The following MFN2 variants were observed in gnomAD, a reference collection of about 807,000 sequenced individuals.
MFN2 encodes the protein mitofusin-2.
MFN2 carries 43 observed loss-of-function variants against 87.5 expected under a neutral mutation model. The ratio of observed to expected loss-of-function variants is 0.49; its 90% CI spans 0.38 to 0.63. The LOEUF is 0.63. Ranked by LOEUF, MFN2 falls within the 30% of genes least tolerant of loss-of-function variation. The pLI is 0.00. For missense variants in MFN2, 743 were observed against 972.8 expected, an observed-to-expected ratio of 0.76 and a Z score of 3.14; for synonymous variants, 337 against 359.9, an observed-to-expected ratio of 0.94 and a Z score of 0.72.
At chr1:11,991,845 A>C (rs1442267033) in intron 3 of MFN2, among the ~76,000 whole-genome samples, 5 of 135,130 alleles carry the variant, frequency 3.7e-5, no homozygotes, top group East Asian at 2.3e-4. Flanking sequence ...AATGGCGTGA[A>C]CCCGGGAGGC....
chr1:11,991,881 G>A (rs755499200), intron 3 of MFN2, among the ~76,000 whole-genome samples: 7 of 112,798 alleles, frequency 6.2e-5, no homozygotes, highest in African/African-American at 1.1e-4. Flanking sequence ...CCCAGATCCC[G>A]CCACTGCACT....
chr1:11,990,091 C>T (rs1045031607), intron 3 of MFN2, among the ~76,000 whole-genome samples: 7 of 152,210 alleles, frequency 4.6e-5, no homozygotes, highest in African/African-American at 1.7e-4. Context: ...GTTTCAGATT[C>T]TAGTCTGCAG....
At chr1:11,988,736 T>TGTCACCCA (rs1458172569) in intron 2 of MFN2, among the ~76,000 whole-genome samples, 1 of 152,168 alleles carries the variant, frequency 6.6e-6, no homozygotes, top group African/African-American at 2.4e-5. Context: ...AATCTCGCCC[T>TGTCACCCA]GTCACCCAGG....
chr1:11,985,725 C>T (rs79905027), intron 2 of MFN2, among the ~76,000 whole-genome samples: 7,435 of 152,182 alleles, frequency 0.049, 220 homozygotes, highest in East Asian at 0.082. Context: ...GCCTCGGCCT[C>T]CCAAAGTGCT....
chr1:11,997,995 T>C (rs1638991841), intron 6 of MFN2, among the ~76,000 whole-genome samples: 1 of 148,960 alleles, frequency 6.7e-6, no homozygotes, highest in African/African-American at 2.5e-5. Context: ...GTGATTCTCC[T>C]GCCTCAGCCT....
chr1:11,997,965 C>G (rs1167448169), intron 6 of MFN2, among the ~76,000 whole-genome samples: 5 of 146,032 alleles, frequency 3.4e-5, no homozygotes, highest in African/African-American at 1.3e-4. Flanking sequence ...CTCACTGCAA[C>G]CTCCGCCTCC....
intron 8 of MFN2, among the ~76,000 whole-genome samples, chr1:12,001,192 TAGTAG>T (rs1639154055): frequency 6.6e-6 from 1 of 152,320 alleles, no homozygotes; most frequent in African/African-American, 2.4e-5. Context: ...TTTGTATTTT[TAGTAG>T]AGACAGGGTT....
At chr1:11,981,254 C>G (rs1390034417) in intron 1 of MFN2, among the ~76,000 whole-genome samples, 1 of 152,196 alleles carries the variant, frequency 6.6e-6, no homozygotes. Context: ...CCTGTAATCC[C>G]AGCACTTTGG....
intron 18 of MFN2, 56 bp downstream of exon 18, chr1:12,009,782 CTG>C: frequency 1.2e-6 from 2 of 1,612,574 alleles, no homozygotes; most frequent in African/African-American, 1.3e-5. Context: ...CCCAGGCACA[CTG>C]GGGCTCAGCT....
chr1:11,992,371 G>C (rs1052022409), intron 3 of MFN2, 184 bp from the exon 4 acceptor site: 18 of 720,394 alleles, frequency 2.5e-5, no homozygotes, highest in Non-Finnish European at 4.2e-5. Context: ...TTGCTCCTGA[G>C]CCATCTTCTT....
intron 2 of MFN2, among the ~76,000 whole-genome samples, chr1:11,984,017 T>C (rs1411078525): frequency 6.6e-6 from 1 of 152,188 alleles, no homozygotes; most frequent in Non-Finnish European, 1.5e-5. Context: ...GGCTGGGTAT[T>C]AGTGAGAGCA....
chr1:11,997,990 T>C (rs1205443801), intron 6 of MFN2, among the ~76,000 whole-genome samples: 2 of 148,272 alleles, frequency 1.3e-5, no homozygotes, highest in African/African-American at 5.0e-5. Flanking sequence ...TTCAAGTGAT[T>C]CTCCTGCCTC....
intron 16 of MFN2, 132 bp from the exon 17 acceptor site, chr1:12,006,921 G>A: frequency 7.5e-7 from 1 of 1,338,222 alleles, no homozygotes; most frequent in South Asian, 1.2e-5. Flanking sequence ...AGGAGACATT[G>A]AAAGAGGAAC....
At position 12,006,667 on chromosome 1, in the gene MFN2, A is replaced by G. The variant is rs753132224; in HGVS notation, c.1846A>G (p.Met616Val). The G allele has an allele frequency of 1.3e-6, 2 of 1,553,486 alleles. No homozygotes were observed. Among genetic ancestry groups the G allele is most frequent in the Non-Finnish European group, 1.7e-6 (2 of 1,142,868 alleles). ...GLASLTSRTSMGILVVGGVVW... is the reference protein window; with the variant it reads ...GLASLTSRTSVGILVVGGVVW... The stretch of plus-strand genomic sequence containing the variant: ...GGCCTCCTTGACATCCAGGACCTCC[A>G]TGGGCATTCTTGTTGTTGGAGGAGT... Residue 616 changes from methionine to valine, a missense_variant, in exon 16 of 19, where the codon ATG becomes GTG. This residue lies in a region of MFN2 where 571 missense variants were observed against 670.7 expected (regional missense o/e 0.85). Coordinates refer to ENST00000235329, the MANE Select transcript of MFN2 (RefSeq NM_014874.4).
chr1:12,009,583 C>CT lies in MFN2; in HGVS notation c.2070-9_2070-8insT. 3 of 1,614,248 alleles carry CT rather than the reference C, an allele frequency of 1.9e-6. No homozygotes were observed. The highest frequency in any genetic ancestry group is 2.5e-6 in the Non-Finnish European group (3 of 1,180,036). ...CACCCCAACTGGGTCCCTTCTCTCT[C>CT]CTCCCCAGGGAACTGTCTGGGACCT... On this transcript the variant is annotated splice_polypyrimidine_tract_variant and intron_variant, in intron 17 of 18. Coordinates refer to ENST00000235329, the MANE Select transcript of MFN2 (RefSeq NM_014874.4).
At position 11,989,277 on chromosome 1, in the gene MFN2, A is replaced by G; in HGVS notation, c.109A>G (p.Lys37Glu). The change falls in exon 3 of 19, where the codon AAG becomes GAG. Residue 37 changes from lysine (K) to glutamate (E), a missense_variant. Lys to Glu is a moderately conservative substitution (Grantham distance 56, BLOSUM62 1). Coordinates refer to ENST00000235329, the MANE Select transcript of MFN2 (RefSeq NM_014874.4). ...SPLKHFVTAKKKINGIFEQLG... is the reference protein window; with the variant it reads ...SPLKHFVTAKEKINGIFEQLG... ...ACTTAAGCACTTTGTCACTGCCAAG[A>G]AGAAGATCAATGGCATTTTTGAGCA... 6.2e-7 allele frequency: 1 copy of G among 1,614,062 alleles called. No homozygotes were observed. The highest frequency in any genetic ancestry group is 8.5e-7 in the Non-Finnish European group (1 of 1,180,020).
At chr1:11,986,262 C>G (rs1444000158) in intron 2 of MFN2, among the ~76,000 whole-genome samples, 1 of 152,202 alleles carries the variant, frequency 6.6e-6, no homozygotes, top group Non-Finnish European at 1.5e-5. Context: ...ACTTTGGCCC[C>G]ATTTGGAAGT....
In MFN2 at chr1:11,999,080, C is replaced by T. The variant is rs201550384; in HGVS notation, c.801C>T (p.Pro267=). 4.0e-5 allele frequency: 64 copies of T among 1,614,118 alleles called. No homozygotes were observed. The Admixed American group carries it at 6.8e-4, about 17-fold the overall frequency. The change falls in exon 8 of 19, where the codon CCC becomes CCT. Residue 267 remains proline (P), a synonymous_variant. Transcript: ENST00000235329. The stretch of plus-strand genomic sequence containing the variant: ...GCTGGGATGCATCTGCCTCAGAGCC[C>T]GAGTACATGGAGGAGGTTCGTGCTT... ...NNRWDASASE[P]EYMEEVRRQH...
chr1:11,997,861 A>G (rs902519890), intron 6 of MFN2, among the ~76,000 whole-genome samples: 11 of 143,594 alleles, frequency 7.7e-5, no homozygotes, highest in Admixed American at 1.4e-4. Flanking sequence ...TCACAACTTC[A>G]CCTTAATTGT....
Sources: allele counts gnomAD v4.1 joint callset (sites outside exome capture counted in the v4.1 genomes callset), GRCh38; gene constraint gnomAD v4.1.1; regional missense constraint gnomAD v4.1.1; transcripts MANE v1.5; gene names NCBI Gene and HGNC (gene_info 2026-07-23, HGNC 2026-07-21).